The following SH3RF3 variants were observed in gnomAD, a reference collection of about 807,000 sequenced individuals.
SH3RF3 encodes the protein SH3 domain containing ring finger 3, also known as E3 ubiquitin-protein ligase SH3RF3.
In SH3RF3, 29 loss-of-function variants were observed where a neutral mutation model predicts 66.3. That is an observed-to-expected ratio of 0.44 (90% CI 0.33 to 0.60). SH3RF3 has a LOEUF of 0.60. SH3RF3 is among the 20% of genes least tolerant of loss of function. SH3RF3 has a pLI of 0.04. For missense variants in SH3RF3, 1,194 were observed against 1,190.9 expected (o/e 1.00, Z -0.04); for synonymous variants, 583 against 532.0 (o/e 1.10, Z -1.32).
intron 1 of SH3RF3, among the ~76,000 whole-genome samples, chr2:109,236,189 T>C (rs950304886): frequency 2.4e-4 from 36 of 152,230 alleles, no homozygotes; most frequent in African/African-American, 8.7e-4. Flanking sequence ...AAGAAAACTT[T>C]CTGGAAGTGA....
intron 1 of SH3RF3, among the ~76,000 whole-genome samples, chr2:109,202,344 G>A (rs779979037): frequency 7.2e-5 from 11 of 152,122 alleles, no homozygotes; most frequent in Non-Finnish European, 1.2e-4. Context: ...AGTGTGTCTC[G>A]GCTGCTTTGG....
At chr2:109,250,715 A>G (rs919589030) in intron 1 of SH3RF3, among the ~76,000 whole-genome samples, 3 of 151,968 alleles carry the variant, frequency 2.0e-5, no homozygotes, top group African/African-American at 4.8e-5. Flanking sequence ...GCAAACTACC[A>G]TAACTTGCCA....
chr2:109,386,393 C>G (rs556344749), intron 3 of SH3RF3, among the ~76,000 whole-genome samples: 1 of 151,660 alleles, frequency 6.6e-6, no homozygotes, highest in South Asian at 2.1e-4. Context: ...ACCAGGGGGC[C>G]GCTATGACTG....
chr2:109,476,153 C>T (rs1678678095), intron 8 of SH3RF3, among the ~76,000 whole-genome samples: 1 of 152,220 alleles, frequency 6.6e-6, no homozygotes, highest in South Asian at 2.1e-4. Flanking sequence ...CTTATTAGCA[C>T]AGCAAAGGCT....
rs776024924 is a variant in SH3RF3 at position 109,273,385 on chromosome 2, G to A, written c.574-74289G>A. 3.3e-5 allele frequency among the ~76,000 whole-genome samples: 5 copies of A among 152,336 alleles called. 1 individual carries two copies. Among genetic ancestry groups the A allele is most frequent in the Admixed American group, 2.0e-4 (3 of 15,304 alleles). On this transcript the variant is annotated intron_variant, in intron 1 of 9. Coordinates refer to ENST00000309415, the MANE Select transcript of SH3RF3 (RefSeq NM_001099289.3). ...CCATTGAGCCTTAACGCATGGATGA[G>A]GGGGGAGGCAGGTCTCCAAGGGGAC...
intron 8 of SH3RF3, among the ~76,000 whole-genome samples, chr2:109,451,520 G>A (rs1677866281): frequency 6.6e-6 from 1 of 152,178 alleles, no homozygotes; most frequent in African/African-American, 2.4e-5. Flanking sequence ...ATTGCTGAGT[G>A]GGTTTCTATG....
At chr2:109,400,173 G>C (rs930019890) in intron 4 of SH3RF3, among the ~76,000 whole-genome samples, 3 of 152,134 alleles carry the variant, frequency 2.0e-5, no homozygotes, top group African/African-American at 7.2e-5. Context: ...ATGTAATCTA[G>C]ATGTGCCACA....
chr2:109,140,671 A>G (rs1028802047), intron 1 of SH3RF3, among the ~76,000 whole-genome samples: 1 of 152,166 alleles, frequency 6.6e-6, no homozygotes, highest in South Asian at 2.1e-4. Flanking sequence ...GTGAGCCACC[A>G]TGCCCGGCCA....
chr2:109,489,851 C>T (rs1485241775), intron 8 of SH3RF3, among the ~76,000 whole-genome samples: 8 of 152,210 alleles, frequency 5.3e-5, no homozygotes, highest in Non-Finnish European at 1.2e-4. Context: ...TATTCTCCCA[C>T]CTCAGGCTCC....
chr2:109,496,359 T>C (rs145969922), intron 9 of SH3RF3, among the ~76,000 whole-genome samples: 2,887 of 152,316 alleles, frequency 0.019, 98 homozygotes, highest in African/African-American at 0.065. Flanking sequence ...GAGTGCTGAT[T>C]GGTGCATTTT....
At position 109,431,835 on chromosome 2, in the gene SH3RF3, CACTCCAGCCTGGGT is replaced by C. The variant is rs566424551; in HGVS notation, c.1404-665_1404-652del. 1.2e-4 allele frequency among the ~76,000 whole-genome samples: 18 copies of C among 152,156 alleles called. 1 individual carries two copies. The South Asian group carries it at 3.7e-3, about 32-fold the overall frequency. On this transcript the variant is annotated intron_variant, in intron 5 of 9. Coordinates refer to ENST00000309415, the MANE Select transcript of SH3RF3 (RefSeq NM_001099289.3). ...GCAGTGAGCTATGCTTGTACCACTGCACTCCAGCCTGGGTGACAGGGTGAGATGCTGTTTCAAAA... is the reference window on the plus strand; with the variant it reads ...GCAGTGAGCTATGCTTGTACCACTGCGACAGGGTGAGATGCTGTTTCAAAA...
intron 8 of SH3RF3, among the ~76,000 whole-genome samples, chr2:109,462,444 T>C (rs1478806864): frequency 6.6e-6 from 1 of 152,062 alleles, no homozygotes. Context: ...CACCACCTGG[T>C]TAAGCTTATG....
At chr2:109,285,320 A>G (rs562442347) in intron 1 of SH3RF3, among the ~76,000 whole-genome samples, 4 of 152,260 alleles carry the variant, frequency 2.6e-5, no homozygotes, top group African/African-American at 9.6e-5. Flanking sequence ...GCTGAAATAC[A>G]GGTGTTCATG....
chr2:109,358,361 C>T (rs1001481272), intron 2 of SH3RF3, among the ~76,000 whole-genome samples: 1 of 152,198 alleles, frequency 6.6e-6, no homozygotes, highest in Non-Finnish European at 1.5e-5. Context: ...TCTAAACATC[C>T]ATATGCAGGT....
At chr2:109,406,094 G>T (rs373985570) in intron 4 of SH3RF3, among the ~76,000 whole-genome samples, 2 of 152,292 alleles carry the variant, frequency 1.3e-5, no homozygotes, top group East Asian at 3.9e-4. Flanking sequence ...CAGATGGCCC[G>T]TCCTGCTCAT....
rs188387626 is a variant in SH3RF3 at position 109,420,421 on chromosome 2, T to G, written c.1403+779T>G. 1.3e-3 allele frequency among the ~76,000 whole-genome samples: 201 copies of G among 152,140 alleles called. 2 individuals are homozygous for G. The East Asian group carries it at 0.025, about 19-fold the overall frequency. On this transcript the variant is annotated intron_variant, in intron 5 of 9. Transcript: ENST00000309415. ...CCTGTGTTGTTACAGAACAGGATTTTTTGTTGTTGTTGTTGTTTTTGTTTT... is the reference window on the plus strand; with the variant it reads ...CCTGTGTTGTTACAGAACAGGATTTGTTGTTGTTGTTGTTGTTTTTGTTTT...
intron 3 of SH3RF3, among the ~76,000 whole-genome samples, chr2:109,382,011 A>C (rs1481720350): frequency 6.6e-6 from 1 of 152,158 alleles, no homozygotes; most frequent in Non-Finnish European, 1.5e-5. Context: ...ACACAAAGAC[A>C]GCCTGTGCAC....
intron 8 of SH3RF3, among the ~76,000 whole-genome samples, chr2:109,488,360 G>A (rs1679035279): frequency 6.6e-6 from 1 of 152,200 alleles, no homozygotes; most frequent in Non-Finnish European, 1.5e-5. Flanking sequence ...TCCCCTGGAG[G>A]CAAGGTCACC....
intron 5 of SH3RF3, among the ~76,000 whole-genome samples, chr2:109,428,054 C>T (rs539753017): frequency 5.8e-4 from 89 of 152,360 alleles, no homozygotes; most frequent in Non-Finnish European, 1.1e-3. Context: ...TCCAGTGCAG[C>T]CCCTGACAGC....
Sources: gnomAD v4.1 joint callset for allele counts (sites outside exome capture counted in the v4.1 genomes callset) on GRCh38, gnomAD v4.1.1 for gene constraint, MANE v1.5 for transcripts, NCBI Gene and HGNC (gene_info 2026-07-23, HGNC 2026-07-21) for gene names.